PDZRN3: variants seen among roughly 807,000 people sequenced by gnomAD.
The protein encoded by PDZRN3 is E3 ubiquitin-protein ligase PDZRN3.
In PDZRN3, 38 loss-of-function variants were observed where a neutral mutation model predicts 85.7. That is an observed-to-expected ratio of 0.44 (90% CI 0.34 to 0.58). The LOEUF is 0.58. PDZRN3 is among the 20% of genes least tolerant of loss of function. The pLI, the probability that PDZRN3 is intolerant of heterozygous loss-of-function variation, is 0.01. For missense variants in PDZRN3, 1,629 were observed against 1,506.4 expected, an observed-to-expected ratio of 1.08 and a Z score of -1.35; for synonymous variants, 759 against 638.0, an observed-to-expected ratio of 1.19 and a Z score of -2.86.
intron 5 of PDZRN3, among the ~76,000 whole-genome samples, chr3:73,395,315 G>A (rs1471682820): frequency 6.6e-6 from 1 of 152,212 alleles, no homozygotes; most frequent in African/African-American, 2.4e-5. Flanking sequence ...TTATCTGTCT[G>A]TGATGGAGAT....
chr3:73,566,536 T>C (rs961922889), intron 3 of PDZRN3, among the ~76,000 whole-genome samples: 1 of 152,188 alleles, frequency 6.6e-6, no homozygotes, highest in East Asian at 1.9e-4. Context: ...AAAGGGGGGT[T>C]CCAGTAGGAT....
chr3:73,532,974 C>G (rs1466714592), intron 3 of PDZRN3, among the ~76,000 whole-genome samples: 2 of 152,202 alleles, frequency 1.3e-5, no homozygotes, highest in African/African-American at 4.8e-5. Flanking sequence ...GCAAACAAAT[C>G]TGCTACTGAA....
intron 3 of PDZRN3, among the ~76,000 whole-genome samples, chr3:73,601,222 G>C (rs968475924): frequency 6.6e-6 from 1 of 152,168 alleles, no homozygotes; most frequent in African/African-American, 2.4e-5. Flanking sequence ...TCTTGCTGAG[G>C]CTCCTTTCCC....
intron 3 of PDZRN3, among the ~76,000 whole-genome samples, chr3:73,583,719 G>C (rs1421387786): frequency 1.3e-5 from 2 of 152,180 alleles, no homozygotes; most frequent in African/African-American, 2.4e-5. Flanking sequence ...ATCTGTCACT[G>C]TAGGAGTCCA....
intron 3 of PDZRN3, among the ~76,000 whole-genome samples, chr3:73,498,611 G>T (rs1362116956): frequency 6.6e-6 from 1 of 151,072 alleles, no homozygotes. Context: ...TTGAGATGGA[G>T]TCTAGCTCTG....
chr3:73,506,384 A>G (rs1298466403), intron 3 of PDZRN3, among the ~76,000 whole-genome samples: 1 of 152,246 alleles, frequency 6.6e-6, no homozygotes, highest in East Asian at 1.9e-4. Flanking sequence ...TGACATCTTT[A>G]ATACAAATAA....
At chr3:73,569,605 C>A in intron 3 of PDZRN3, 1 of 1,011,538 alleles carries the variant, frequency 9.9e-7, no homozygotes, top group Non-Finnish European at 1.2e-6. Context: ...AGCCCTGTGC[C>A]AAACCTCAGC....
chr3:73,529,971 G>A (rs773183633), intron 3 of PDZRN3, among the ~76,000 whole-genome samples: 2 of 152,104 alleles, frequency 1.3e-5, no homozygotes, highest in Non-Finnish European at 2.9e-5. Flanking sequence ...GAACAGTACC[G>A]GGCAAGTGTA....
rs573841774 is a variant in PDZRN3, at chr3:73,419,015, T to C, written c.919-14620A>G. 6.6e-5 allele frequency among the ~76,000 whole-genome samples: 10 copies of C among 152,218 alleles called. No homozygotes were observed. In the South Asian group the frequency reaches 2.1e-3, roughly 32 times the overall value. On this transcript the variant is annotated intron_variant, in intron 3 of 9. Transcript: ENST00000263666. ...TTGCTTTTAGTGAGAGGTAGGAGAATAAAACTTCACAGGGGCACAGCAATT... is the reference window on the plus strand; with the variant it reads ...TTGCTTTTAGTGAGAGGTAGGAGAACAAAACTTCACAGGGGCACAGCAATT...
At chr3:73,597,668 C>T (rs1702451096) in intron 3 of PDZRN3, among the ~76,000 whole-genome samples, 1 of 151,120 alleles carries the variant, frequency 6.6e-6, no homozygotes, top group Non-Finnish European at 1.5e-5. Flanking sequence ...TGTGGATGGC[C>T]TCTACAAGTC....
intron 3 of PDZRN3, among the ~76,000 whole-genome samples, chr3:73,556,189 A>G (rs1701690524): frequency 6.6e-6 from 1 of 152,214 alleles, no homozygotes; most frequent in Non-Finnish European, 1.5e-5. Flanking sequence ...CTCACATTTA[A>G]TAAGTAATAA....
At chr3:73,545,673 T>C (rs1335028107) in intron 3 of PDZRN3, among the ~76,000 whole-genome samples, 1 of 152,222 alleles carries the variant, frequency 6.6e-6, no homozygotes, top group Non-Finnish European at 1.5e-5. Flanking sequence ...GTTCCAGTTT[T>C]GAGACTCTAT....
chr3:73,603,133 T>G (rs1440934662), intron 2 of PDZRN3, among the ~76,000 whole-genome samples: 2 of 152,236 alleles, frequency 1.3e-5, no homozygotes, highest in East Asian at 3.8e-4. Flanking sequence ...AGACAGAGTG[T>G]TTTCCCACAT....
chr3:73,580,589 A>C (rs1333532210), intron 3 of PDZRN3, among the ~76,000 whole-genome samples: 1 of 152,206 alleles, frequency 6.6e-6, no homozygotes, highest in East Asian at 1.9e-4. Context: ...TTTCCTACAG[A>C]TGGGAACTTG....
At chr3:73,472,655 A>T (rs1430537173) in intron 3 of PDZRN3, among the ~76,000 whole-genome samples, 1 of 152,190 alleles carries the variant, frequency 6.6e-6, no homozygotes, top group East Asian at 1.9e-4. Flanking sequence ...GCATTTGGGG[A>T]AAGTTGCTAA....
chr3:73,564,405 A>C (rs1701901428), intron 3 of PDZRN3, among the ~76,000 whole-genome samples: 1 of 152,086 alleles, frequency 6.6e-6, no homozygotes, highest in East Asian at 1.9e-4. Context: ...GTGACATGGG[A>C]GGGCCAGGAT....
chr3:73,404,504 G>C, intron 3 of PDZRN3, 109 bp from the exon 4 acceptor site: 1 of 1,210,328 alleles, frequency 8.3e-7, no homozygotes, highest in Non-Finnish European at 1.2e-6. Flanking sequence ...GAAAGAAGCA[G>C]GTGGTGGTGT....
chr3:73,487,172 A>G (rs1368080629), intron 3 of PDZRN3, among the ~76,000 whole-genome samples: 1 of 152,172 alleles, frequency 6.6e-6, no homozygotes, highest in African/African-American at 2.4e-5. Context: ...AATAACTTCA[A>G]TATCTCTAAA....
intron 3 of PDZRN3, among the ~76,000 whole-genome samples, chr3:73,530,942 A>G (rs1704638929): frequency 6.6e-6 from 1 of 152,160 alleles, no homozygotes; most frequent in African/African-American, 2.4e-5. Context: ...TATAATTTCT[A>G]ATTATCTTTA....
Sources: gnomAD v4.1 joint callset for allele counts (sites outside exome capture counted in the v4.1 genomes callset) on GRCh38, gnomAD v4.1.1 for gene constraint, MANE v1.5 for transcripts, NCBI Gene and HGNC (gene_info 2026-07-23, HGNC 2026-07-21) for gene names.